RGS6: variants seen among roughly 807,000 people sequenced by gnomAD.
The protein encoded by RGS6 is regulator of G protein signaling 6.
RGS6 carries 30 observed loss-of-function variants against 78.5 expected under a neutral mutation model. The ratio of observed to expected loss-of-function variants is 0.38; its 90% CI spans 0.29 to 0.52. RGS6 has a LOEUF of 0.52. Ranked by LOEUF, RGS6 falls within the 20% of genes least tolerant of loss-of-function variation. The pLI is 0.85. For synonymous variants in RGS6, 206 were observed against 206.0 expected (o/e 1.00, Z 0.00); for missense variants, 495 against 609.7 (o/e 0.81, Z 1.98).
chr14:72,281,003 T>C (rs2061475422), intron 2 of RGS6, among the ~76,000 whole-genome samples: 1 of 152,192 alleles, frequency 6.6e-6, no homozygotes, highest in Non-Finnish European at 1.5e-5. Flanking sequence ...GTTTAGTTGA[T>C]GAAAAGAAGT....
intron 2 of RGS6, among the ~76,000 whole-genome samples, chr14:72,343,117 A>G (rs2077345370): frequency 5.3e-5 from 8 of 152,214 alleles, no homozygotes; most frequent in Admixed American, 5.2e-4. Flanking sequence ...ATAACAAATT[A>G]CCATACACTT....
intron 3 of RGS6, among the ~76,000 whole-genome samples, chr14:72,405,368 G>C (rs981184108): frequency 2.0e-5 from 3 of 152,118 alleles, no homozygotes; most frequent in African/African-American, 7.2e-5. Flanking sequence ...AAGCAAACTG[G>C]TCACCAAATA....
chr14:72,507,029 C>G (rs2096814665), intron 13 of RGS6, among the ~76,000 whole-genome samples: 1 of 132,498 alleles, frequency 7.5e-6, no homozygotes, highest in African/African-American at 2.8e-5. Flanking sequence ...ATTAGCTGGC[C>G]ATGGTGGCGG....
In RGS6 at chr14:71,932,466, G is replaced by GCCCTGC; in HGVS notation, c.-495_-490dup. On this transcript the variant is annotated 5_prime_UTR_variant, in exon 1 of 18. Transcript: ENST00000553525. ...GAGTTGGGGCAGCTCCTCGCGCTCG[G>GCCCTGC]CCCTGCTCGGCGGCGAGAGCTCCGC... 6.6e-6 allele frequency: 1 copy of GCCCTGC among 151,770 alleles called. No individual in the cohort carries two copies. Among genetic ancestry groups the GCCCTGC allele is most frequent in the Non-Finnish European group, 1.5e-5 (1 of 67,862 alleles). 9.4% of individuals were successfully genotyped at this position (151,770 alleles called of 1,614,324 possible).
At chr14:72,607,867 A>G in the RGS6 span, among the ~76,000 whole-genome samples, 3 of 152,228 alleles carry the variant, frequency 2.0e-5, no homozygotes, top group African/African-American at 2.4e-5. Context: ...CGCAGCAACC[A>G]TCAATGGCTT....
intron 2 of RGS6, among the ~76,000 whole-genome samples, chr14:72,176,989 T>C (rs2097113316): frequency 6.6e-6 from 1 of 152,196 alleles, no homozygotes; most frequent in South Asian, 2.1e-4. Context: ...TGAAATGATA[T>C]GTGTACTTTT....
chr14:71,976,131 T>G lies in RGS6; in HGVS notation c.84+11256T>G, dbSNP rs1207550828. Among the ~76,000 whole-genome samples the G allele has an allele frequency of 2.0e-5, 3 of 151,954 alleles. No homozygotes were observed. The East Asian group carries it at 5.8e-4, about 29-fold the overall frequency. ...TTTGTCATTTAATTCCTAAACTTAT[T>G]AATCATAATTGTTTCAAAGTCCATA... On this transcript the variant is annotated intron_variant, in intron 2 of 17. Transcript: ENST00000553525.
chr14:72,405,426 G>A (rs1464597770), intron 3 of RGS6, among the ~76,000 whole-genome samples: 3 of 152,134 alleles, frequency 2.0e-5, no homozygotes. Flanking sequence ...ACTTCTGAAA[G>A]GACATCAAAC....
chr14:72,194,016 A>G (rs1212052680), intron 2 of RGS6, among the ~76,000 whole-genome samples: 1 of 152,180 alleles, frequency 6.6e-6, no homozygotes, highest in Non-Finnish European at 1.5e-5. Flanking sequence ...GTCATGTGCA[A>G]TGAATGGAGT....
chr14:72,192,443 C>T (rs1464710640), intron 2 of RGS6, among the ~76,000 whole-genome samples: 1 of 152,222 alleles, frequency 6.6e-6, no homozygotes, highest in Non-Finnish European at 1.5e-5. Context: ...ACAGCAAGAA[C>T]TCAGATATGG....
In RGS6 at chr14:72,050,800, G is replaced by A. The variant is rs572929471; in HGVS notation, c.84+85925G>A. Among the ~76,000 whole-genome samples, 68 of 152,302 alleles carry A rather than the reference G, an allele frequency of 4.5e-4. 1 individual carries two copies. In the South Asian group the frequency reaches 0.014, roughly 32 times the overall value. On this transcript the variant is annotated intron_variant, in intron 2 of 17. Coordinates refer to ENST00000553525, the MANE Select transcript of RGS6 (RefSeq NM_001204424.2). The stretch of plus-strand genomic sequence containing the variant: ...CCCAGGATGCAAAGCCTGTGTATAG[G>A]GAGGGCTGACTTTGCGCATATGCAG...
chr14:72,175,837 A>G (rs1275165305), intron 2 of RGS6, among the ~76,000 whole-genome samples: 1 of 152,120 alleles, frequency 6.6e-6, no homozygotes, highest in Non-Finnish European at 1.5e-5. Context: ...AAAGGGAGGA[A>G]GAGAGGGGAA....
chr14:71,997,483 T>C (rs1185092398), intron 2 of RGS6, among the ~76,000 whole-genome samples: 4 of 152,232 alleles, frequency 2.6e-5, no homozygotes, highest in Non-Finnish European at 4.4e-5. Context: ...TCAGAAATTA[T>C]ATTAAAATCA....
intron 3 of RGS6, among the ~76,000 whole-genome samples, chr14:72,355,293 A>G (rs1302091152): frequency 6.6e-6 from 1 of 151,842 alleles, no homozygotes; most frequent in Non-Finnish European, 1.5e-5. Flanking sequence ...TCCTGGGTTC[A>G]AGCGATTCTC....
intron 2 of RGS6, among the ~76,000 whole-genome samples, chr14:72,222,575 A>G (rs1237084039): frequency 1.3e-5 from 2 of 152,240 alleles, no homozygotes; most frequent in African/African-American, 4.8e-5. Flanking sequence ...TGGCAGATGT[A>G]ACTAGAATGA....
chr14:72,021,763 C>G (rs562362419), intron 2 of RGS6, among the ~76,000 whole-genome samples: 5 of 151,200 alleles, frequency 3.3e-5, no homozygotes, highest in Non-Finnish European at 7.4e-5. Context: ...TGGGCCACTG[C>G]GCCTGGCCTT....
chr14:72,136,719 A>G lies in RGS6; in HGVS notation c.84+171844A>G, dbSNP rs184310207. ...GGTAGGGACACAGCCAAACCATATC[A>G]AAACTTAATCAAAAATAATTGAAAT... On this transcript the variant is annotated intron_variant, in intron 2 of 17. Transcript: ENST00000553525. Among the ~76,000 whole-genome samples the G allele has an allele frequency of 2.6e-5, 4 of 152,340 alleles. No homozygotes were observed. In the East Asian group the frequency reaches 7.7e-4, roughly 29 times the overall value.
chr14:72,548,342 T>TGTGTGTGTGTGTGTGTGCGC (rs796698263), intron 17 of RGS6, among the ~76,000 whole-genome samples: 2 of 134,830 alleles, frequency 1.5e-5, no homozygotes, highest in African/African-American at 6.3e-5. Context: ...TGTGTGTGTG[T>TGTGTGTGTGTGTGTGTGCGC]GCGCGCGTGT....
At chr14:71,979,640 A>T (rs1399061211) in intron 2 of RGS6, among the ~76,000 whole-genome samples, 2 of 151,836 alleles carry the variant, frequency 1.3e-5, no homozygotes, top group African/African-American at 4.8e-5. Flanking sequence ...AGTTTGTTAT[A>T]ATTTCTGTTC....
Sources: gnomAD v4.1 joint callset for allele counts (sites outside exome capture counted in the v4.1 genomes callset) on GRCh38, gnomAD v4.1.1 for gene constraint, MANE v1.5 for transcripts, NCBI Gene and HGNC (gene_info 2026-07-23, HGNC 2026-07-21) for gene names.